COX10: variants seen among roughly 807,000 people sequenced by gnomAD.
The protein encoded by COX10 is protoheme IX farnesyltransferase, mitochondrial.
COX10 carries 27 observed loss-of-function variants against 37.3 expected under a neutral mutation model. That is an observed-to-expected ratio of 0.72 (90% CI 0.53 to 1.00). The LOEUF is 1.00. COX10 is among the 50% of genes least tolerant of loss of function. The pLI is 0.00. For missense variants in COX10, 475 were observed against 563.2 expected (o/e 0.84, Z 1.59); for synonymous variants, 222 against 229.1 (o/e 0.97, Z 0.28).
chr17:14,112,858 A>G (rs1315626321), intron 4 of COX10, among the ~76,000 whole-genome samples: 2 of 152,150 alleles, frequency 1.3e-5, no homozygotes, highest in East Asian at 3.9e-4. Flanking sequence ...CAGAAGCACA[A>G]GTTTGGGAGG....
chr17:14,182,192 G>T (rs1597540403), intron 5 of COX10: 2 of 930,376 alleles, frequency 2.1e-6, no homozygotes, highest in East Asian at 2.4e-4. Flanking sequence ...TACTCAGGAG[G>T]CTGAGGTGGG....
chr17:14,151,230 G>T (rs958555828), intron 4 of COX10, among the ~76,000 whole-genome samples: 3 of 152,126 alleles, frequency 2.0e-5, no homozygotes, highest in African/African-American at 7.2e-5. Context: ...TATAGTAAAT[G>T]CATGAAGAAC....
chr17:14,201,543 A>G (rs913550870), intron 6 of COX10, among the ~76,000 whole-genome samples: 5 of 152,208 alleles, frequency 3.3e-5, no homozygotes, highest in East Asian at 1.9e-4. Flanking sequence ...GAGCAAAACA[A>G]AATACTTCGG....
In COX10 at chr17:14,206,882, G is replaced by C; in HGVS notation, c.1001G>C (p.Arg334Pro). The C allele has an allele frequency of 1.2e-6, 2 of 1,614,012 alleles. No individual in the cohort carries two copies. Among genetic ancestry groups the C allele is most frequent in the Non-Finnish European group, 1.7e-6 (2 of 1,179,976 alleles). Residue 334 changes from arginine (R) to proline (P), a missense_variant, in exon 7 of 7, where the codon CGT becomes CCT. Transcript: ENST00000261643. ...PHFNALSWGL[R>P]EDYSRGGYCM... ...TTCAACGCCCTGAGCTGGGGCCTCCGTGAAGACTACTCCCGGGGCGGCTAC... is the reference window on the plus strand; with the variant it reads ...TTCAACGCCCTGAGCTGGGGCCTCCCTGAAGACTACTCCCGGGGCGGCTAC...
At chr17:14,182,007 T>C (rs1229817108) in intron 5 of COX10, 1 of 980,618 alleles carries the variant, frequency 1.0e-6, no homozygotes, top group African/African-American at 1.8e-5. Flanking sequence ...TTTTTTTCTT[T>C]TTTTTTTTTA....
chr17:14,193,558 C>T (rs2142264199), intron 6 of COX10, among the ~76,000 whole-genome samples: 1 of 148,098 alleles, frequency 6.8e-6, no homozygotes, highest in East Asian at 2.0e-4. Flanking sequence ...GCGCCTGCAG[C>T]CTGGTGGGAA....
intron 3 of COX10, among the ~76,000 whole-genome samples, chr17:14,084,492 C>G (rs1191548801): frequency 6.6e-6 from 1 of 152,002 alleles, no homozygotes; most frequent in South Asian, 2.1e-4. Flanking sequence ...AATATACGAT[C>G]GTAGCGTAAA....
intron 4 of COX10, among the ~76,000 whole-genome samples, chr17:14,156,600 C>A (rs1905045358): frequency 6.6e-6 from 1 of 151,482 alleles, no homozygotes; most frequent in African/African-American, 2.5e-5. Context: ...TGTTGAACTT[C>A]TGCTAGGTAC....
Position 14,069,580 on chromosome 17 carries a change from G to A in COX10, c.-26G>A, listed in dbSNP as rs747527227. 3.1e-6 allele frequency: 5 copies of A among 1,613,626 alleles called. No individual in the cohort carries two copies. In the East Asian group the frequency reaches 1.1e-4, roughly 36 times the overall value. Reference sequence around the variant, plus strand: ...TGAGGAGAGAGGACACAGGGATCCCGGGGAGCGGCCCCAGACTCGTAAATT... The same window carrying A: ...TGAGGAGAGAGGACACAGGGATCCCAGGGAGCGGCCCCAGACTCGTAAATT... On this transcript the variant is annotated 5_prime_UTR_variant, in exon 1 of 7. Transcript: ENST00000261643.
intron 5 of COX10, among the ~76,000 whole-genome samples, chr17:14,162,622 CT>C (rs57058201): frequency 0.92 from 132,992 of 145,336 alleles, 61,010 homozygotes; most frequent in East Asian, 0.99. Flanking sequence ...ACTATCCCTG[CT>C]TTTTTTTTTT....
At chr17:14,087,968 A>G (rs1469847634) in intron 3 of COX10, among the ~76,000 whole-genome samples, 3 of 152,040 alleles carry the variant, frequency 2.0e-5, no homozygotes, top group Non-Finnish European at 4.4e-5. Flanking sequence ...TCATTTTGGC[A>G]CGACCCTCTA....
chr17:14,203,240 T>TTA (rs958635369), intron 6 of COX10, among the ~76,000 whole-genome samples: 97 of 151,776 alleles, frequency 6.4e-4, no homozygotes, highest in African/African-American at 2.1e-3. Context: ...TATATAAATT[T>TTA]TATATATATA....
At chr17:14,142,266 CAG>C (rs1555537339) in intron 4 of COX10, among the ~76,000 whole-genome samples, 3 of 152,198 alleles carry the variant, frequency 2.0e-5, no homozygotes, top group Non-Finnish European at 4.4e-5. Flanking sequence ...CTACTTTACA[CAG>C]ATAGTTGTGC....
In COX10 at chr17:14,207,094, C is replaced by G; in HGVS notation, c.1213C>G (p.Arg405Gly). The G allele has an allele frequency of 3.7e-6, 6 of 1,613,996 alleles. No individual in the cohort carries two copies. Among genetic ancestry groups the G allele is most frequent in the Non-Finnish European group, 5.1e-6 (6 of 1,179,938 alleles). The change falls in exon 7 of 7, where the codon CGC becomes GGC. Residue 405 changes from arginine (R) to glycine (G), a missense_variant. Transcript: ENST00000261643. Reference sequence around the variant, plus strand: ...CTTCCGCTTCTACGTGGACGCAGACCGCAGGAGCTCGCGGAGACTGTTCTT... The same window carrying G: ...CTTCCGCTTCTACGTGGACGCAGACGGCAGGAGCTCGCGGAGACTGTTCTT... The part of the protein sequence containing the change: ...LGFRFYVDAD[R>G]RSSRRLFFCS...
rs1384631812 is a variant in COX10 at position 14,159,935 on chromosome 17, G to C, written c.683G>C (p.Arg228Pro). 3 of 1,612,164 alleles carry C rather than the reference G, an allele frequency of 1.9e-6. No homozygotes were observed. The highest frequency in any genetic ancestry group is 2.5e-6 in the Non-Finnish European group (3 of 1,179,398). ...AGGACAAAGAACAGACCGCTGGTTC[G>C]TGGACAGATCAGGTAAAATCACGAA... ...MNRTKNRPLV[R>P]GQISPLLAVS... Residue 228 changes from arginine (R) to proline (P), a missense_variant, in exon 5 of 7, where the codon CGT (arginine) becomes CCT (proline). Coordinates refer to ENST00000261643, the MANE Select transcript of COX10 (RefSeq NM_001303.4).
chr17:14,160,905 C>T (rs1247957756), intron 5 of COX10, among the ~76,000 whole-genome samples: 1 of 152,124 alleles, frequency 6.6e-6, no homozygotes, highest in African/African-American at 2.4e-5. Flanking sequence ...TAGAAACTGT[C>T]AAAAGTACTT....
intron 6 of COX10, among the ~76,000 whole-genome samples, chr17:14,192,726 A>C (rs1906244213): frequency 6.6e-6 from 1 of 151,974 alleles, no homozygotes; most frequent in Non-Finnish European, 1.5e-5. Context: ...CTATAGTAAA[A>C]CTATTGAAAG....
intron 5 of COX10, among the ~76,000 whole-genome samples, chr17:14,160,163 G>A (rs892651237): frequency 7.9e-5 from 12 of 151,922 alleles, no homozygotes; most frequent in African/African-American, 2.4e-4. Context: ...TTTTTTTTAT[G>A]GTAGTAACTT....
At chr17:14,165,837 C>T (rs1232906684) in intron 5 of COX10, among the ~76,000 whole-genome samples, 2 of 152,190 alleles carry the variant, frequency 1.3e-5, no homozygotes, top group African/African-American at 2.4e-5. Flanking sequence ...GAAAGTGAAA[C>T]AGTCTTACTG....
Sources: gnomAD v4.1 joint callset for allele counts (sites outside exome capture counted in the v4.1 genomes callset) on GRCh38, gnomAD v4.1.1 for gene constraint, MANE v1.5 for transcripts, NCBI Gene and HGNC (gene_info 2026-07-23, HGNC 2026-07-21) for gene names.